Variants in RUNX2 observed in about 807,000 individuals in gnomAD.
The protein encoded by RUNX2 is runt-related transcription factor 2.
RUNX2 carries 10 observed loss-of-function variants against 51.7 expected under a neutral mutation model. The observed-to-expected ratio is 0.19, with a 90% confidence interval of 0.12 to 0.33. The LOEUF (loss-of-function observed/expected upper bound fraction) is 0.33. Ranked by LOEUF, RUNX2 falls within the 10% of genes least tolerant of loss-of-function variation. RUNX2 has a pLI of 1.00. For synonymous variants in RUNX2, 276 were observed against 273.6 expected, an observed-to-expected ratio of 1.01 and a Z score of -0.09; for missense variants, 562 against 691.3, an observed-to-expected ratio of 0.81 and a Z score of 2.10.
chr6:45,388,650 A>C (rs1050323264), intron 2 of RUNX2, among the ~76,000 whole-genome samples: 3 of 152,216 alleles, frequency 2.0e-5, no homozygotes, highest in Non-Finnish European at 4.4e-5. Context: ...TATGTTACTC[A>C]ACCACATTCT....
intron 6 of RUNX2, among the ~76,000 whole-genome samples, chr6:45,508,995 C>G (rs940544027): frequency 6.6e-6 from 1 of 151,982 alleles, no homozygotes; most frequent in Non-Finnish European, 1.5e-5. Flanking sequence ...TGAGACAAAC[C>G]CAGCTACCCT....
At chr6:45,433,241 G>A (rs1045742782) in intron 4 of RUNX2, among the ~76,000 whole-genome samples, 1 of 152,138 alleles carries the variant, frequency 6.6e-6, no homozygotes, top group African/African-American at 2.4e-5. Flanking sequence ...AACTAAGGGA[G>A]TTATCTCTGC....
At chr6:45,343,873 A>G (rs1033900475) in intron 2 of RUNX2, among the ~76,000 whole-genome samples, 2 of 152,128 alleles carry the variant, frequency 1.3e-5, no homozygotes, top group African/African-American at 4.8e-5. Context: ...TTAATAACCC[A>G]TATTAGAATC....
intron 7 of RUNX2, among the ~76,000 whole-genome samples, chr6:45,540,599 C>A (rs867809629): frequency 6.6e-6 from 1 of 152,144 alleles, no homozygotes; most frequent in Non-Finnish European, 1.5e-5. Context: ...GTATACTAGT[C>A]TAAAAAAATT....
At chr6:45,422,441 T>G in intron 2 of RUNX2, 152 bp from the exon 3 acceptor site, 121 of 649,262 alleles carry the variant, frequency 1.9e-4, no homozygotes, top group East Asian at 3.7e-4. Context: ...TCAAACTTGA[T>G]TTCTCACCTC....
At chr6:45,408,257 A>T (rs913973764) in intron 2 of RUNX2, among the ~76,000 whole-genome samples, 3 of 152,084 alleles carry the variant, frequency 2.0e-5, no homozygotes, top group Admixed American at 1.3e-4. Context: ...TTATGCCCAA[A>T]GGCAATGCAT....
chr6:45,533,429 AAAG>A (rs1416689301), intron 7 of RUNX2, among the ~76,000 whole-genome samples: 1 of 152,240 alleles, frequency 6.6e-6, no homozygotes, highest in African/African-American at 2.4e-5. Flanking sequence ...CCATTGTTAA[AAAG>A]AGAGTTTTCA....
intron 5 of RUNX2, among the ~76,000 whole-genome samples, chr6:45,451,784 T>C (rs1163870953): frequency 6.6e-6 from 1 of 152,160 alleles, no homozygotes; most frequent in Non-Finnish European, 1.5e-5. Context: ...ATGGAGGGCT[T>C]TTCAAATACC....
At chr6:45,545,327 C>A in intron 8 of RUNX2, 45 bp downstream of exon 8, 2 of 1,542,716 alleles carry the variant, frequency 1.3e-6, no homozygotes, top group Admixed American at 2.0e-5. Flanking sequence ...CTGGGCTGGG[C>A]TGGGCTGTCT....
chr6:45,424,519 G>T (rs1357406550), intron 3 of RUNX2, among the ~76,000 whole-genome samples: 1 of 152,110 alleles, frequency 6.6e-6, no homozygotes, highest in Non-Finnish European at 1.5e-5. Context: ...GGAGAGCAGG[G>T]CAAGCAAGGC....
At chr6:45,383,646 A>G (rs1481742552) in intron 2 of RUNX2, among the ~76,000 whole-genome samples, 1 of 152,182 alleles carries the variant, frequency 6.6e-6, no homozygotes. Flanking sequence ...TTTTTGGTCT[A>G]TTAATCCATG....
In RUNX2 at chr6:45,492,207, G is replaced by C; in HGVS notation, c.859+93G>C. 2.5e-6 allele frequency: 3 copies of C among 1,199,844 alleles called. No individual in the cohort carries two copies. In the South Asian group the frequency reaches 3.7e-5, roughly 15 times the overall value. The allele number at this position is 1,199,844 out of a possible 1,614,324, so 74.3% of individuals were successfully genotyped here. Reference sequence around the variant, plus strand: ...AGATGTGTTCACTTCAAAACTCCTGGAGCTGTGAAGCGGCTTATTATTAAA... The same window carrying C: ...AGATGTGTTCACTTCAAAACTCCTGCAGCTGTGAAGCGGCTTATTATTAAA... On this transcript the variant is annotated intron_variant, in intron 6 of 8. Coordinates refer to ENST00000647337, the MANE Select transcript of RUNX2 (RefSeq NM_001024630.4).
At chr6:45,443,452 GA>G (rs1006077283) in intron 5 of RUNX2, among the ~76,000 whole-genome samples, 3 of 152,070 alleles carry the variant, frequency 2.0e-5, no homozygotes, top group Admixed American at 6.6e-5. Flanking sequence ...GGATTTAAGG[GA>G]AAAAAACCAC....
At position 45,491,974 on chromosome 6, in the gene RUNX2, G is replaced by A. The variant is rs1319345318; in HGVS notation, c.719G>A (p.Ser240Asn). The change falls in exon 6 of 9, where the codon AGT (serine) becomes AAT (asparagine). Residue 240 changes from serine (S) to asparagine (N), a missense_variant. Around this residue, in one of 5 missense-constraint regions of RUNX2, gnomAD observed 37 missense variants for 66.5 expected, o/e 0.56. Coordinates refer to ENST00000647337, the MANE Select transcript of RUNX2 (RefSeq NM_001024630.4). ...CAGAAGCTTGATGACTCTAAACCTA[G>A]TTTGTTCTCTGACCGCCTCAGTGAT... Reference protein sequence around the residue: ...HRQKLDDSKPSLFSDRLSDLG... With the variant: ...HRQKLDDSKPNLFSDRLSDLG... 4 of 1,613,748 alleles carry A rather than the reference G, an allele frequency of 2.5e-6. No individual in the cohort carries two copies. In the Admixed American group the frequency reaches 6.7e-5, roughly 27 times the overall value.
intron 5 of RUNX2, among the ~76,000 whole-genome samples, chr6:45,442,412 C>T (rs971885534): frequency 6.6e-6 from 1 of 152,186 alleles, no homozygotes; most frequent in African/African-American, 2.4e-5. Flanking sequence ...CTCTTTGAAA[C>T]ATCGGTTTCT....
intron 5 of RUNX2, among the ~76,000 whole-genome samples, chr6:45,482,832 C>T (rs1800152824): frequency 6.6e-6 from 1 of 152,156 alleles, no homozygotes; most frequent in Non-Finnish European, 1.5e-5. Context: ...TTAGACCTGT[C>T]TTGGGTGAAA....
In RUNX2 at chr6:45,549,931, T is replaced by C. The variant is rs1335872980; in HGVS notation, c.*2626T>C. The C allele has an allele frequency of 2.0e-5, 3 of 152,544 alleles. No individual in the cohort carries two copies. Among genetic ancestry groups the C allele is most frequent in the Non-Finnish European group, 4.4e-5 (3 of 68,034 alleles). The allele number at this position is 152,544 out of a possible 1,614,324, so 9.4% of individuals were successfully genotyped here. ...CTCACTCCAACCACCCCAATGGGGG[T>C]AATTCACATTTCTTAGAACAAATTC... On this transcript the variant is annotated 3_prime_UTR_variant, in exon 9 of 9. Coordinates refer to ENST00000647337, the MANE Select transcript of RUNX2 (RefSeq NM_001024630.4).
chr6:45,340,532 C>T (rs1789559833), intron 2 of RUNX2, among the ~76,000 whole-genome samples: 1 of 152,000 alleles, frequency 6.6e-6, no homozygotes, highest in Non-Finnish European at 1.5e-5. Context: ...CCATGTTGCC[C>T]AGGCTGGTCT....
At chr6:45,497,083 TAAGA>T (rs1661420841) in intron 6 of RUNX2, among the ~76,000 whole-genome samples, 1 of 152,024 alleles carries the variant, frequency 6.6e-6, no homozygotes, top group South Asian at 2.1e-4. Context: ...AAGAAGATAC[TAAGA>T]AAGAAGAGAC....
Sources: gnomAD v4.1 joint callset for allele counts (sites outside exome capture counted in the v4.1 genomes callset) on GRCh38, gnomAD v4.1.1 for gene constraint, gnomAD v4.1.1 regional missense constraint, MANE v1.5 for transcripts, NCBI Gene and HGNC (gene_info 2026-07-23, HGNC 2026-07-21) for gene names.